The following TPST1 variants were observed in gnomAD, a reference collection of about 807,000 sequenced individuals.
The protein encoded by TPST1 is protein-tyrosine sulfotransferase 1.
In TPST1, 20 loss-of-function variants were observed where a neutral mutation model predicts 34.8. The observed-to-expected ratio is 0.57, with a 90% CI of 0.40 to 0.84. The LOEUF is 0.84. TPST1 is among the 40% of genes least tolerant of loss of function. The pLI, the probability that TPST1 is intolerant of heterozygous loss-of-function variation, is 0.00. For synonymous variants in TPST1, 152 were observed against 159.4 expected (o/e 0.95, Z 0.35); for missense variants, 353 against 455.5 (o/e 0.78, Z 2.05).
intron 3 of TPST1, among the ~76,000 whole-genome samples, chr7:66,297,364 G>A (rs1410976354): frequency 6.6e-6 from 1 of 152,194 alleles, no homozygotes; most frequent in African/African-American, 2.4e-5. Context: ...CTGAGAGGCA[G>A]AAGCTAGGTG....
chr7:66,342,715 G>A (rs958198757), intron 3 of TPST1, among the ~76,000 whole-genome samples: 1 of 152,164 alleles, frequency 6.6e-6, no homozygotes, highest in Non-Finnish European at 1.5e-5. Context: ...GAGAGCAAGA[G>A]AGAGAGGGGA....
At chr7:66,216,591 T>C (rs1789415180) in intron 1 of TPST1, among the ~76,000 whole-genome samples, 1 of 152,022 alleles carries the variant, frequency 6.6e-6, no homozygotes, top group Non-Finnish European at 1.5e-5. Context: ...TGCCTCGGCC[T>C]CCCGAGTAGC....
Position 66,221,369 on chromosome 7 carries a change from G to T in TPST1, c.-102+15847G>T, listed in dbSNP as rs550658432. Among the ~76,000 whole-genome samples the T allele has an allele frequency of 1.9e-4, 29 of 152,260 alleles. No individual in the cohort carries two copies. In the Middle Eastern group the frequency reaches 0.014, roughly 71 times the overall value. On this transcript the variant is annotated intron_variant, in intron 1 of 5. Coordinates refer to ENST00000304842, the MANE Select transcript of TPST1 (RefSeq NM_003596.4). ...TACCAGTTACTCATGGAGAGGTTAA[G>T]GGAGAAACTACATAAAGGTTCCCTG...
intron 2 of TPST1, among the ~76,000 whole-genome samples, chr7:66,256,244 G>A (rs1449504897): frequency 6.6e-6 from 1 of 152,104 alleles, no homozygotes; most frequent in East Asian, 1.9e-4. Context: ...CTTTTATCAA[G>A]TTAAAGAATT....
At chr7:66,297,280 A>G (rs1210492467) in intron 3 of TPST1, among the ~76,000 whole-genome samples, 1 of 152,092 alleles carries the variant, frequency 6.6e-6, no homozygotes, top group Non-Finnish European at 1.5e-5. Context: ...TGTCTTCTGT[A>G]TGTGTCCACC....
chr7:66,210,576 A>G (rs62465542), intron 1 of TPST1, among the ~76,000 whole-genome samples: 5,538 of 152,258 alleles, frequency 0.036, 158 homozygotes, highest in East Asian at 0.079. Flanking sequence ...GCTTCCCATG[A>G]GATGGTGATA....
intron 3 of TPST1, among the ~76,000 whole-genome samples, chr7:66,346,693 T>G (rs1792358924): frequency 1.3e-5 from 2 of 152,322 alleles, no homozygotes; most frequent in South Asian, 4.1e-4. Context: ...GATTTTTTAT[T>G]GACTTGTTTG....
At chr7:66,355,317 CA>C (rs11429562) in intron 4 of TPST1, among the ~76,000 whole-genome samples, 20 of 144,752 alleles carry the variant, frequency 1.4e-4, no homozygotes, top group East Asian at 2.1e-4. Context: ...ACTAAAAATA[CA>C]AAAAAAAAAA....
chr7:66,276,411 T>G, intron 2 of TPST1, among the ~76,000 whole-genome samples: 1 of 147,276 alleles, frequency 6.8e-6, no homozygotes. Flanking sequence ...CCTCACTTTG[T>G]CTCCCAGGCT....
intron 3 of TPST1, among the ~76,000 whole-genome samples, chr7:66,349,820 AAC>A (rs1292022450): frequency 6.6e-6 from 1 of 151,876 alleles, no homozygotes; most frequent in Non-Finnish European, 1.5e-5. Context: ...AAACAACAAC[AAC>A]AAAAAACCCA....
At chr7:66,283,996 T>G (rs1790982953) in intron 2 of TPST1, among the ~76,000 whole-genome samples, 1 of 152,190 alleles carries the variant, frequency 6.6e-6, no homozygotes, top group African/African-American at 2.4e-5. Flanking sequence ...AAAATGTCAT[T>G]TCTGCTGATC....
intron 3 of TPST1, among the ~76,000 whole-genome samples, chr7:66,295,109 A>AT (rs201547318): frequency 0.055 from 8,330 of 150,132 alleles, 276 homozygotes; most frequent in East Asian, 0.092. Context: ...CAATTTTAGG[A>AT]TTTTTTTTTT....
At position 66,328,011 on chromosome 7, in the gene TPST1, C is replaced by CTTTTTT. The variant is rs35582736; in HGVS notation, c.1045-24471_1045-24466dup. Among the ~76,000 whole-genome samples the CTTTTTT allele has an allele frequency of 2.2e-3, 87 of 39,514 alleles. 7 individuals carry two copies. Among genetic ancestry groups the CTTTTTT allele is most frequent in the Non-Finnish European group, 2.8e-3 (65 of 22,836 alleles). The allele number at this position is 39,514 out of a possible 152,430, so 25.9% of individuals were successfully genotyped here. A position where few individuals can be genotyped will look rare whatever the true frequency, so the allele number is the denominator to read the frequency against. On this transcript the variant is annotated intron_variant, in intron 3 of 5. Coordinates refer to ENST00000304842, the MANE Select transcript of TPST1 (RefSeq NM_003596.4). ...TTTTCTTTCTTTTTTTTTTCCTTTC[C>CTTTTTT]TTTTTTTTTTTTTTTTTTTTTTTTT... is the stretch of plus-strand genomic sequence containing the variant.
At chr7:66,330,406 A>T (rs1791973885) in intron 3 of TPST1, among the ~76,000 whole-genome samples, 2 of 152,150 alleles carry the variant, frequency 1.3e-5, no homozygotes, top group African/African-American at 4.8e-5. Context: ...TTTCAAAACC[A>T]TTGTGTCCTG....
chr7:66,325,489 T>C (rs922565195), intron 3 of TPST1, among the ~76,000 whole-genome samples: 10 of 151,862 alleles, frequency 6.6e-5, no homozygotes, highest in African/African-American at 2.4e-4. Context: ...TTTTTAAGTT[T>C]CCCCCCTCCC....
At chr7:66,246,733 C>CA (rs1404687410) in intron 2 of TPST1, among the ~76,000 whole-genome samples, 5 of 152,194 alleles carry the variant, frequency 3.3e-5, no homozygotes, top group African/African-American at 1.2e-4. Context: ...AGGCTGCTTC[C>CA]AGCTTTTGTC....
intron 3 of TPST1, among the ~76,000 whole-genome samples, chr7:66,348,208 G>A (rs900998021): frequency 6.6e-6 from 1 of 151,926 alleles, no homozygotes; most frequent in African/African-American, 2.4e-5. Flanking sequence ...CTATCTCCTT[G>A]GTCCAAGCCA....
chr7:66,350,045 C>T (rs750776486), intron 3 of TPST1, among the ~76,000 whole-genome samples: 7 of 152,078 alleles, frequency 4.6e-5, no homozygotes, highest in Non-Finnish European at 7.4e-5. Context: ...GATGGAGTTT[C>T]GCTCTTGTTG....
chr7:66,233,194 A>G (rs928522097), intron 1 of TPST1, among the ~76,000 whole-genome samples: 2 of 151,886 alleles, frequency 1.3e-5, no homozygotes, highest in African/African-American at 4.8e-5. Context: ...AAGCACAAAA[A>G]TTTTTAATTT....
Sources: gnomAD v4.1 joint callset for allele counts (sites outside exome capture counted in the v4.1 genomes callset) on GRCh38, gnomAD v4.1.1 for gene constraint, MANE v1.5 for transcripts, NCBI Gene and HGNC (gene_info 2026-07-23, HGNC 2026-07-21) for gene names.